NFAT5: variants seen among roughly 807,000 people sequenced by gnomAD.
NFAT5 encodes the protein nuclear factor of activated T-cells 5.
In NFAT5, 31 loss-of-function variants were observed where a neutral mutation model predicts 166.5. The ratio of observed to expected loss-of-function variants is 0.19; its 90% CI spans 0.14 to 0.25. The LOEUF (loss-of-function observed/expected upper bound fraction) is 0.25. NFAT5 is among the 10% of genes least tolerant of loss of function. The pLI, the probability that NFAT5 is intolerant of heterozygous loss-of-function variation, is 1.00. For missense variants in NFAT5, 1,449 were observed against 1,821.8 expected, an observed-to-expected ratio of 0.80 and a Z score of 3.72; for synonymous variants, 612 against 639.7, an observed-to-expected ratio of 0.96 and a Z score of 0.65.
intron 2 of NFAT5, among the ~76,000 whole-genome samples, chr16:69,568,963 T>C: frequency 6.6e-6 from 1 of 152,208 alleles, no homozygotes; most frequent in East Asian, 1.9e-4. Flanking sequence ...TCAAAATATG[T>C]TAATTATTTA....
At chr16:69,694,293 A>T (rs984144397) in intron 13 of NFAT5, 54 bp downstream of exon 13, 10 of 1,399,868 alleles carry the variant, frequency 7.1e-6, no homozygotes, top group African/African-American at 1.4e-5. Context: ...TATTAGAAGG[A>T]AGCAGAGTGC....
intron 2 of NFAT5, among the ~76,000 whole-genome samples, chr16:69,582,030 C>G (rs986978744): frequency 6.6e-6 from 1 of 152,000 alleles, no homozygotes; most frequent in African/African-American, 2.4e-5. Context: ...TTTGTGAGGC[C>G]GAGGAGGGCG....
chr16:69,634,299 A>AT (rs2034856610), intron 3 of NFAT5, among the ~76,000 whole-genome samples: 2 of 150,706 alleles, frequency 1.3e-5, no homozygotes, highest in South Asian at 2.1e-4. Context: ...AAAAAAAAAA[A>AT]TCATACATAG....
At position 69,693,476 on chromosome 16, in the gene NFAT5, A is replaced by T; in HGVS notation, c.3651A>T (p.Glu1217Asp). The T allele has an allele frequency of 6.2e-7, 1 of 1,614,146 alleles. No homozygotes were observed. The highest frequency in any genetic ancestry group is 1.3e-5 in the African/African-American group (1 of 75,040). Residue 1217 changes from glutamate (E) to aspartate (D), a missense_variant, in exon 13 of 15, where the codon GAA becomes GAT. Glu to Asp is a conservative substitution (Grantham distance 45). Around this residue, in one of 7 missense-constraint regions of NFAT5, gnomAD observed 891 missense variants for 993.0 expected, o/e 0.90. Coordinates refer to ENST00000349945, the MANE Select transcript of NFAT5 (RefSeq NM_138713.4). ...TCCAGACTCCTATGCTTTCCCAAGA[A>T]CAGGCACAACCCCCGCAGCAGGGTT... ...SHIQTPMLSQ[E>D]QAQPPQQGLF...
At chr16:69,694,728 ATG>A (rs1397212274) in intron 13 of NFAT5, among the ~76,000 whole-genome samples, 1 of 152,240 alleles carries the variant, frequency 6.6e-6, no homozygotes, top group Non-Finnish European at 1.5e-5. Flanking sequence ...ATGTATAAAA[ATG>A]TGTGTTTGCC....
Position 69,696,721 on chromosome 16 carries a change from T to G in NFAT5, c.*370T>G, listed in dbSNP as rs1002802526. 1 of 152,676 alleles carries G rather than the reference T, an allele frequency of 6.5e-6. No homozygotes were observed. Among genetic ancestry groups the G allele is most frequent in the Non-Finnish European group, 1.5e-5 (1 of 68,042 alleles). The allele number at this position is 152,676 out of a possible 1,614,324, so 9.5% of individuals were successfully genotyped here. On this transcript the variant is annotated 3_prime_UTR_variant, in exon 15 of 15. Coordinates refer to ENST00000349945, the MANE Select transcript of NFAT5 (RefSeq NM_138713.4). ...AGAAAATAATATATCATGTTTACTT[T>G]TGTTCTTCATTATTTTCTTTCCTGC...
chr16:69,651,913 C>T (rs538698893), intron 4 of NFAT5, among the ~76,000 whole-genome samples: 3 of 151,986 alleles, frequency 2.0e-5, no homozygotes, highest in African/African-American at 4.8e-5. Flanking sequence ...CTCAGGTGAT[C>T]CACCCCGCTT....
At position 69,691,928 on chromosome 16, in the gene NFAT5, C is replaced by A. The variant is rs1468241759; in HGVS notation, c.2103C>A (p.Ile701=). The A allele has an allele frequency of 1.2e-6, 2 of 1,614,174 alleles. No individual in the cohort carries two copies. The highest frequency in any genetic ancestry group is 1.7e-6 in the Non-Finnish European group (2 of 1,180,026). The stretch of plus-strand genomic sequence containing the variant: ...TGACAACTATTCAAACCCAGGACAT[C>A]TCACAGCCTGGTACTTTTCCAGCAG... ...ETLTTIQTQD[I]SQPGTFPAVS... The change falls in exon 13 of 15, where the codon ATC becomes ATA. Residue 701 remains isoleucine, a synonymous_variant. Coordinates refer to ENST00000349945, the MANE Select transcript of NFAT5 (RefSeq NM_138713.4).
intron 2 of NFAT5, among the ~76,000 whole-genome samples, chr16:69,597,982 GA>G (rs1286992440): frequency 6.6e-6 from 1 of 152,176 alleles, no homozygotes; most frequent in African/African-American, 2.4e-5. Context: ...AGATGTTAGG[GA>G]AAAGCAAGGG....
At chr16:69,604,437 T>A (rs1372250412) in intron 2 of NFAT5, among the ~76,000 whole-genome samples, 1 of 152,176 alleles carries the variant, frequency 6.6e-6, no homozygotes, top group East Asian at 1.9e-4. Flanking sequence ...AGGTTTGTTG[T>A]ACAGATAGAT....
rs760113102 is a variant in NFAT5, at chr16:69,693,851, C to T, written c.4026C>T (p.Pro1342=). The change falls in exon 13 of 15, where the codon CCC becomes CCT. Residue 1342 remains proline (P), a synonymous_variant. Transcript: ENST00000349945. ...NMAPMNQEQQ[P]MQFQSQSTVS... is the part of the protein sequence containing the mutation. Reference sequence around the variant, plus strand: ...CCCCAATGAATCAAGAGCAACAGCCCATGCAATTTCAGAGTCAGTCCACAG... The same window carrying T: ...CCCCAATGAATCAAGAGCAACAGCCTATGCAATTTCAGAGTCAGTCCACAG... 2 of 1,614,192 alleles carry T rather than the reference C, an allele frequency of 1.2e-6. No homozygotes were observed. Among genetic ancestry groups the T allele is most frequent in the Non-Finnish European group, 1.7e-6 (2 of 1,180,036 alleles).
At chr16:69,604,758 A>T (rs2033317081) in intron 2 of NFAT5, among the ~76,000 whole-genome samples, 1 of 152,198 alleles carries the variant, frequency 6.6e-6, no homozygotes, top group Non-Finnish European at 1.5e-5. Flanking sequence ...AACTTATGGC[A>T]TCCACCAATC....
At chr16:69,575,426 C>G (rs1172445694) in intron 2 of NFAT5, among the ~76,000 whole-genome samples, 1 of 152,090 alleles carries the variant, frequency 6.6e-6, no homozygotes, top group Non-Finnish European at 1.5e-5. Context: ...CCTCAGCCTC[C>G]CAAAGTGCTG....
At chr16:69,601,574 A>G (rs966096130) in intron 2 of NFAT5, among the ~76,000 whole-genome samples, 5 of 152,082 alleles carry the variant, frequency 3.3e-5, no homozygotes, top group East Asian at 1.9e-4. Flanking sequence ...GGATCTCGCT[A>G]TGTTGCCAAG....
rs1017708758 is a variant in NFAT5, at chr16:69,661,879, A to G, written c.1369+1980A>G. On this transcript the variant is annotated intron_variant, in intron 7 of 14. Coordinates refer to ENST00000349945, the MANE Select transcript of NFAT5 (RefSeq NM_138713.4). ...GGCTGGGGAAAAAACAGGCAAGTAA[A>G]TGTCTAATTTTATAGTAAAATTATA... Among the ~76,000 whole-genome samples, 5 of 152,144 alleles carry G rather than the reference A, an allele frequency of 3.3e-5. No homozygotes were observed. In the East Asian group the frequency reaches 9.6e-4, roughly 29 times the overall value.
At chr16:69,642,530 A>G (rs960348905) in intron 3 of NFAT5, among the ~76,000 whole-genome samples, 51 of 152,082 alleles carry the variant, frequency 3.4e-4, no homozygotes, top group African/African-American at 1.2e-3. Context: ...AAAAAATAAA[A>G]TTATTCTAGC....
intron 2 of NFAT5, among the ~76,000 whole-genome samples, chr16:69,579,583 TA>T (rs1164693933): frequency 6.6e-6 from 1 of 152,062 alleles, no homozygotes; most frequent in East Asian, 1.9e-4. Flanking sequence ...AAATAAAAAC[TA>T]AAAAAACACT....
At chr16:69,633,897 A>T (rs1158222993) in intron 3 of NFAT5, among the ~76,000 whole-genome samples, 1 of 152,140 alleles carries the variant, frequency 6.6e-6, no homozygotes, top group Non-Finnish European at 1.5e-5. Context: ...CCTTGATTTG[A>T]TTTCTGTACA....
At chr16:69,617,324 T>C (rs1021873906) in intron 2 of NFAT5, among the ~76,000 whole-genome samples, 5 of 152,100 alleles carry the variant, frequency 3.3e-5, no homozygotes, top group African/African-American at 1.2e-4. Flanking sequence ...TTTTACTCAG[T>C]GGTGTATGGA....
Sources: allele counts gnomAD v4.1 joint callset (sites outside exome capture counted in the v4.1 genomes callset), GRCh38; gene constraint gnomAD v4.1.1; regional missense constraint gnomAD v4.1.1; transcripts MANE v1.5; gene names NCBI Gene and HGNC (gene_info 2026-07-23, HGNC 2026-07-21).